The following ANKMY1 variants were observed in gnomAD, a reference collection of about 807,000 sequenced individuals.
The protein encoded by ANKMY1 is ankyrin repeat and MYND domain containing 1.
In ANKMY1, 98 loss-of-function variants were observed where a neutral mutation model predicts 102.0. The observed-to-expected ratio is 0.96, with a 90% confidence interval of 0.82 to 1.14. ANKMY1 has a LOEUF of 1.14. Ranked by LOEUF, ANKMY1 falls within the 50% of genes most tolerant of loss-of-function variation. The pLI, the probability that ANKMY1 is intolerant of heterozygous loss-of-function variation, is 0.00. For synonymous variants in ANKMY1, 582 were observed against 559.9 expected (o/e 1.04, Z -0.56); for missense variants, 1,330 against 1,347.6 (o/e 0.99, Z 0.20).
At chr2:240,516,813 G>A (rs1180933740) in intron 9 of ANKMY1, among the ~76,000 whole-genome samples, 6 of 152,194 alleles carry the variant, frequency 3.9e-5, no homozygotes, top group Admixed American at 1.3e-4. Context: ...GTGTTAACCC[G>A]GTATGACTGC....
At chr2:240,492,730 G>T (rs926579709) in intron 15 of ANKMY1, among the ~76,000 whole-genome samples, 1 of 151,572 alleles carries the variant, frequency 6.6e-6, no homozygotes, top group Admixed American at 6.6e-5. Context: ...TCACTGTGTC[G>T]CCCAGACTGG....
At chr2:240,508,586 T>C (rs1457385874) in intron 12 of ANKMY1, among the ~76,000 whole-genome samples, 3 of 152,238 alleles carry the variant, frequency 2.0e-5, no homozygotes, top group Non-Finnish European at 2.9e-5. Flanking sequence ...ATTTTCTTTA[T>C]AATACTTGTC....
chr2:240,545,150 A>G (rs1189241016), intron 4 of ANKMY1, among the ~76,000 whole-genome samples: 1 of 152,232 alleles, frequency 6.6e-6, no homozygotes, highest in Non-Finnish European at 1.5e-5. Context: ...CCCAGCACGC[A>G]GCTGGAGATC....
At chr2:240,485,524 T>G (rs2151880496) in intron 15 of ANKMY1, among the ~76,000 whole-genome samples, 1 of 152,306 alleles carries the variant, frequency 6.6e-6, no homozygotes, top group South Asian at 2.1e-4. Context: ...TCCAATAATT[T>G]TAAACTATAT....
intron 8 of ANKMY1, chr2:240,522,563 G>GGT (rs1312566749): frequency 2.6e-5 from 4 of 152,200 alleles, no homozygotes; most frequent in African/African-American, 9.6e-5. Context: ...CCAGGCTGGG[G>GGT]GTGGTGAGCT....
chr2:240,503,070 G>A (rs1009040940), intron 13 of ANKMY1, among the ~76,000 whole-genome samples: 1 of 152,160 alleles, frequency 6.6e-6, no homozygotes, highest in Non-Finnish European at 1.5e-5. Context: ...CCCTGCCCAG[G>A]GGCTCTGCCT....
chr2:240,560,985 GTC>G (rs1559408704), upstream of ANKMY1: 1 of 1,545,372 alleles, frequency 6.5e-7, no homozygotes, highest in Admixed American at 2.0e-5. Context: ...CGCCTGCCTA[GTC>G]TACTGCAAGA....
At chr2:240,555,095 C>A in intron 2 of ANKMY1, 40 bp from the exon 3 acceptor site, 1 of 1,602,970 alleles carries the variant, frequency 6.2e-7, no homozygotes, top group Non-Finnish European at 8.5e-7. Context: ...AGTGAAGTGG[C>A]TGCAGTGCCT....
At chr2:240,526,746 G>A (rs1371737186) in intron 5 of ANKMY1, 3 of 1,311,288 alleles carry the variant, frequency 2.3e-6, no homozygotes, top group East Asian at 7.0e-5. Context: ...CTGGGTGTTT[G>A]CTAAGAAATG....
intron 9 of ANKMY1, among the ~76,000 whole-genome samples, chr2:240,516,257 A>G (rs1452616298): frequency 6.6e-6 from 1 of 151,844 alleles, no homozygotes; most frequent in Non-Finnish European, 1.5e-5. Flanking sequence ...CCTTTGATAT[A>G]TGACAAACTC....
chr2:240,507,939 G>T, intron 12 of ANKMY1: 3 of 384,708 alleles, frequency 7.8e-6, no homozygotes, highest in South Asian at 6.8e-5. Flanking sequence ...ACTCCACCCA[G>T]GTGGGCCAGT....
At chr2:240,538,323 G>A (rs1056410634) in intron 4 of ANKMY1, among the ~76,000 whole-genome samples, 4 of 152,158 alleles carry the variant, frequency 2.6e-5, no homozygotes, top group Admixed American at 6.5e-5. Context: ...CGGCGCTCAG[G>A]GGCCAGCGCG....
At chr2:240,480,297 G>A (rs68077258) in intron 17 of ANKMY1, among the ~76,000 whole-genome samples, 23,743 of 152,194 alleles carry the variant, frequency 0.16, 2,464 homozygotes, top group African/African-American at 0.28. Flanking sequence ...ACCCACTCCC[G>A]TCCCCACCAG....
intron 15 of ANKMY1, among the ~76,000 whole-genome samples, chr2:240,491,345 G>A (rs1175807551): frequency 3.3e-5 from 5 of 152,066 alleles, no homozygotes; most frequent in African/African-American, 1.2e-4. Context: ...TCATGTTCAA[G>A]GTTATTCTTG....
chr2:240,496,407 GATA>G (rs1313591049), intron 15 of ANKMY1, among the ~76,000 whole-genome samples: 4 of 104,958 alleles, frequency 3.8e-5, no homozygotes, highest in Admixed American at 2.0e-4. Flanking sequence ...TAGATAGATA[GATA>G]GATGTGCTTG....
chr2:240,513,009 G>A lies in ANKMY1; in HGVS notation c.2005-67C>T. On this transcript the variant is annotated intron_variant, in intron 9 of 17. Coordinates refer to ENST00000401804, the MANE Select transcript of ANKMY1 (RefSeq NM_001282771.3). ...GTAGGGAGAGACAGGTGAGGTACCT[G>A]AGGGACCCAAATGCCAGGGAAATGG... 25 of 1,552,078 alleles carry A rather than the reference G, an allele frequency of 1.6e-5. No homozygotes were observed. In the South Asian group the frequency reaches 3.0e-4, roughly 19 times the overall value.
chr2:240,544,005 AAAG>A (rs2089672277), intron 4 of ANKMY1, among the ~76,000 whole-genome samples: 1 of 152,196 alleles, frequency 6.6e-6, no homozygotes, highest in Admixed American at 6.5e-5. Flanking sequence ...AAAATATACC[AAAG>A]AAGATGTGCT....
intron 15 of ANKMY1, among the ~76,000 whole-genome samples, chr2:240,483,320 C>T (rs2075654151): frequency 6.6e-6 from 1 of 152,152 alleles, no homozygotes; most frequent in Admixed American, 6.5e-5. Flanking sequence ...CCACACCCAG[C>T]TAATTTTTGT....
At chr2:240,496,766 T>G (rs1317336180) in intron 15 of ANKMY1, among the ~76,000 whole-genome samples, 1 of 152,154 alleles carries the variant, frequency 6.6e-6, no homozygotes, top group Non-Finnish European at 1.5e-5. Context: ...TGGCTGATTG[T>G]TCATAATTTG....
Sources: allele counts gnomAD v4.1 joint callset (sites outside exome capture counted in the v4.1 genomes callset), GRCh38; gene constraint gnomAD v4.1.1; transcripts MANE v1.5; gene names NCBI Gene and HGNC (gene_info 2026-07-23, HGNC 2026-07-21).